SYNJ2: variants seen among roughly 807,000 people sequenced by gnomAD.
SYNJ2 encodes synaptojanin 2, also known as polyphosphatidylinositol phosphatase SYNJ2.
In SYNJ2, 116 loss-of-function variants were observed where a neutral mutation model predicts 141.3. The ratio of observed to expected loss-of-function variants is 0.82; its 90% CI spans 0.71 to 0.96. The LOEUF (loss-of-function observed/expected upper bound fraction) is 0.96, where lower values mean the gene tolerates loss of function less well. Ranked by LOEUF, SYNJ2 falls within the 40% of genes least tolerant of loss-of-function variation. The pLI is 0.00. For synonymous variants in SYNJ2, 745 were observed against 777.7 expected (o/e 0.96, Z 0.70); for missense variants, 1,873 against 1,934.8 (o/e 0.97, Z 0.60).
Position 158,064,732 on chromosome 6 carries a change from C to G in SYNJ2, c.1341C>G (p.Ala447=), listed in dbSNP as rs780881193. ...GCAAGGTGTTCACAGGCAGCAGAGC[C>G]CTGGAAGGGAAGGCCAAGGTAGGGC... ...SLSKVFTGSR[A]LEGKAKVGKL... The change falls in exon 10 of 27, where the codon GCC becomes GCG. Residue 447 remains alanine, a synonymous_variant. Transcript: ENST00000355585. 2.2e-5 allele frequency: 36 copies of G among 1,613,780 alleles called. 1 individual carries two copies. Among genetic ancestry groups the G allele is most frequent in the Admixed American group, 3.3e-5 (2 of 60,010 alleles).
At chr6:158,054,277 C>A (rs1296392515) in intron 5 of SYNJ2, among the ~76,000 whole-genome samples, 1 of 151,984 alleles carries the variant, frequency 6.6e-6, no homozygotes, top group Non-Finnish European at 1.5e-5. Context: ...ACCCATCCAC[C>A]CAGCTATTCA....
chr6:157,982,433 C>T lies in SYNJ2; in HGVS notation c.127+345C>T, dbSNP rs988350311. ...AGCCGGCCTGACCCTGTGCCTGGCG[C>T]CTTTTCTTTTGCACCTGTTGATGAA... On this transcript the variant is annotated intron_variant, in intron 1 of 26. Transcript: ENST00000355585. The surrounding 1 kb of genome is among the most constrained non-coding windows in gnomAD (Gnocchi z 4.0). Among the ~76,000 whole-genome samples, 4 of 152,274 alleles carry T rather than the reference C, an allele frequency of 2.6e-5. No individual in the cohort carries two copies. The highest frequency in any genetic ancestry group is 1.3e-4 in the Admixed American group (2 of 15,302).
At chr6:158,025,654 C>T (rs1274970829) in intron 2 of SYNJ2, among the ~76,000 whole-genome samples, 1 of 149,788 alleles carries the variant, frequency 6.7e-6, no homozygotes, top group Non-Finnish European at 1.5e-5. Context: ...GAGTGAAACT[C>T]CATCTCAAAA....
chr6:157,998,141 G>A (rs567946127), intron 1 of SYNJ2, among the ~76,000 whole-genome samples: 156 of 152,236 alleles, frequency 1.0e-3, no homozygotes, highest in Non-Finnish European at 9.7e-4. Flanking sequence ...TGCTTCCAGG[G>A]GAGCGAGGGG....
chr6:157,995,424 C>G (rs1053333798), intron 1 of SYNJ2, among the ~76,000 whole-genome samples: 32 of 152,236 alleles, frequency 2.1e-4, no homozygotes, highest in Non-Finnish European at 1.5e-5. Flanking sequence ...ATCACATCCA[C>G]TCTGCTGGGC....
intron 1 of SYNJ2, among the ~76,000 whole-genome samples, chr6:157,995,007 T>A (rs1777587472): frequency 6.6e-6 from 1 of 152,164 alleles, no homozygotes; most frequent in African/African-American, 2.4e-5. Flanking sequence ...CAGAAGAAGC[T>A]ATATGGGCCC....
intron 22 of SYNJ2, among the ~76,000 whole-genome samples, chr6:158,085,048 G>A (rs950520581): frequency 1.3e-5 from 2 of 149,676 alleles, no homozygotes; most frequent in African/African-American, 4.9e-5. Context: ...TTGAGACAGG[G>A]TCTCACTGTC....
intron 4 of SYNJ2, among the ~76,000 whole-genome samples, chr6:158,038,285 T>C (rs916755263): frequency 6.6e-6 from 1 of 152,142 alleles, no homozygotes; most frequent in African/African-American, 2.4e-5. Context: ...CTGCTCTCCA[T>C]GAAGTCCCCA....
chr6:158,059,658 G>A (rs1314675137), intron 7 of SYNJ2: 37 of 849,046 alleles, frequency 4.4e-5, no homozygotes, highest in African/African-American at 1.3e-4. Flanking sequence ...AGGTACAAGC[G>A]ATTCTCCTCC....
At chr6:158,054,417 G>T (rs1432947159) in intron 5 of SYNJ2, among the ~76,000 whole-genome samples, 1 of 152,190 alleles carries the variant, frequency 6.6e-6, no homozygotes, top group East Asian at 1.9e-4. Context: ...GATTGTCCCA[G>T]ATTTGGCCAG....
chr6:158,090,530 GTTTTTTTTTTTGTTTTTT>G (rs1483854769), intron 25 of SYNJ2, among the ~76,000 whole-genome samples: 1 of 114,698 alleles, frequency 8.7e-6, no homozygotes, highest in Non-Finnish European at 1.9e-5. Flanking sequence ...CCTTTTCTTC[GTTTTTTTTTTTGTTTTTT>G]TTTTTTTTTT....
At chr6:158,032,122 G>A (rs1016539497) in intron 3 of SYNJ2, among the ~76,000 whole-genome samples, 4 of 151,914 alleles carry the variant, frequency 2.6e-5, no homozygotes, top group South Asian at 2.1e-4. Flanking sequence ...GGTCAGACGC[G>A]GGCTGTGCTC....
intron 1 of SYNJ2, 68 bp from the exon 2 acceptor site, chr6:158,017,136 G>A (rs1177648721): frequency 1.0e-5 from 16 of 1,556,340 alleles, no homozygotes; most frequent in East Asian, 9.2e-5. Context: ...TTGGCAAGCC[G>A]GGTGTGAATG....
chr6:158,035,453 T>TCTTCTCACAGCA (rs1779588825), intron 4 of SYNJ2, among the ~76,000 whole-genome samples: 2 of 152,202 alleles, frequency 1.3e-5, no homozygotes, highest in Non-Finnish European at 2.9e-5. Context: ...TGAATGGGAT[T>TCTTCTCACAGCA]GTGTTCCTGA....
At chr6:158,013,480 C>T (rs940235216) in intron 1 of SYNJ2, among the ~76,000 whole-genome samples, 2 of 152,184 alleles carry the variant, frequency 1.3e-5, no homozygotes, top group African/African-American at 4.8e-5. Flanking sequence ...CTCTGTCACC[C>T]CAGGTGAAGA....
rs1213024117 is a variant in SYNJ2 at position 158,059,281 on chromosome 6, G to T, written c.882G>T (p.Gln294His). 6.5e-7 allele frequency: 1 copy of T among 1,550,288 alleles called. No homozygotes were observed. The highest frequency in any genetic ancestry group is 2.4e-5 in the East Asian group (1 of 40,922). Reference sequence around the variant, plus strand: ...GGCACATGGTGCTTCTGAAGGAGCAGTACGGGCAGCAGGTGGTCGTGAACC... The same window carrying T: ...GGCACATGGTGCTTCTGAAGGAGCATTACGGGCAGCAGGTGGTCGTGAACC... ...FDRHMVLLKE[Q>H]YGQQVVVNLL... The change falls in exon 7 of 27, where the codon CAG becomes CAT. Residue 294 changes from glutamine to histidine, a missense_variant. Gln to His is a conservative substitution (Grantham distance 24). Coordinates refer to ENST00000355585, the MANE Select transcript of SYNJ2 (RefSeq NM_003898.4).
chr6:158,055,986 T>C (rs1347873205), intron 6 of SYNJ2, among the ~76,000 whole-genome samples: 1 of 152,188 alleles, frequency 6.6e-6, no homozygotes, highest in Non-Finnish European at 1.5e-5. Context: ...TCTTAGGAAA[T>C]AGTGAACATG....
chr6:158,074,720 A>G lies in SYNJ2; in HGVS notation c.2274A>G (p.Leu758=). 1 of 1,611,866 alleles carries G rather than the reference A, an allele frequency of 6.2e-7. No homozygotes were observed. The highest frequency in any genetic ancestry group is 8.5e-7 in the Non-Finnish European group (1 of 1,179,592). ...KKLLEFDQLQ[L]QKSSGKIFKD... ...TTCTGGAATTTGATCAACTACAGCTACAGAAATCAAGTGGAAAAGTAAGTT... is the reference window on the plus strand; with the variant it reads ...TTCTGGAATTTGATCAACTACAGCTGCAGAAATCAAGTGGAAAAGTAAGTT... The change falls in exon 16 of 27, where the codon CTA becomes CTG. Residue 758 remains leucine, a synonymous_variant. Transcript: ENST00000355585.
At chr6:158,041,050 T>C (rs928254383) in intron 4 of SYNJ2, among the ~76,000 whole-genome samples, 5 of 152,176 alleles carry the variant, frequency 3.3e-5, no homozygotes, top group Admixed American at 3.3e-4. Context: ...GTTTTTTGAG[T>C]GGCTACTCTG....
Sources: gnomAD v4.1 joint callset for allele counts (sites outside exome capture counted in the v4.1 genomes callset) on GRCh38, gnomAD v4.1.1 for gene constraint, Gnocchi (gnomAD v3.1) non-coding constraint, MANE v1.5 for transcripts, NCBI Gene and HGNC (gene_info 2026-07-23, HGNC 2026-07-21) for gene names.